HSD17B12: variants seen among roughly 807,000 people sequenced by gnomAD.
HSD17B12 encodes hydroxysteroid 17-beta dehydrogenase 12.
HSD17B12 carries 32 observed loss-of-function variants against 39.3 expected under a neutral mutation model. The ratio of observed to expected loss-of-function variants is 0.81; its 90% confidence interval spans 0.61 to 1.09. The LOEUF is 1.09. Among genes scored for constraint, HSD17B12 ranks in the 50% least tolerant of loss-of-function variants. The pLI, the probability that HSD17B12 is intolerant of heterozygous loss-of-function variation, is 0.00. For synonymous variants in HSD17B12, 150 were observed against 146.7 expected, an observed-to-expected ratio of 1.02 and a Z score of -0.16; for missense variants, 342 against 382.9, an observed-to-expected ratio of 0.89 and a Z score of 0.89.
At chr11:43,589,182 C>T in the HSD17B12 span, among the ~76,000 whole-genome samples, 92,751 of 151,864 alleles carry the variant, frequency 0.61, 28,591 homozygotes, top group East Asian at 0.73. Flanking sequence ...TTCCTTTTCC[C>T]GCATATTTAA....
chr11:43,659,198 C>T, the HSD17B12 span, among the ~76,000 whole-genome samples: 11 of 152,222 alleles, frequency 7.2e-5, no homozygotes, highest in Non-Finnish European at 1.2e-4. Flanking sequence ...GAGCCATGTG[C>T]GGGATATAAT....
chr11:43,725,402 A>G (rs1950212218), intron 1 of HSD17B12, among the ~76,000 whole-genome samples: 1 of 152,266 alleles, frequency 6.6e-6, no homozygotes, highest in South Asian at 2.1e-4. Context: ...TCATAATAAC[A>G]GTAATAACAA....
chr11:43,840,367 C>G (rs1462786640), intron 9 of HSD17B12, among the ~76,000 whole-genome samples: 1 of 152,010 alleles, frequency 6.6e-6, no homozygotes, highest in Admixed American at 6.6e-5. Context: ...GCATCTCTCT[C>G]TTTTTTAATT....
intron 1 of HSD17B12, among the ~76,000 whole-genome samples, chr11:43,689,116 G>C (rs1230539490): frequency 6.6e-6 from 1 of 152,200 alleles, no homozygotes; most frequent in African/African-American, 2.4e-5. Flanking sequence ...TTACTAAGCA[G>C]TTCCTTTATA....
At chr11:43,626,682 T>C in the HSD17B12 span, among the ~76,000 whole-genome samples, 1 of 152,004 alleles carries the variant, frequency 6.6e-6, no homozygotes, top group Non-Finnish European at 1.5e-5. Context: ...AAACTTTCCA[T>C]TTCAACCCTT....
intron 3 of HSD17B12, among the ~76,000 whole-genome samples, chr11:43,766,786 T>G (rs1950599241): frequency 6.6e-6 from 1 of 152,340 alleles, no homozygotes; most frequent in South Asian, 2.1e-4. Context: ...GAAATTTAGC[T>G]TATGGTCCAA....
chr11:43,789,527 C>A (rs4755212), intron 3 of HSD17B12, among the ~76,000 whole-genome samples: 2,760 of 152,228 alleles, frequency 0.018, 75 homozygotes, highest in African/African-American at 0.048. Context: ...GAATGAGCAC[C>A]TGGGCCTTGG....
the HSD17B12 span, chr11:43,645,945 C>T: frequency 3.3e-5 from 5 of 152,352 alleles, no homozygotes; most frequent in African/African-American, 1.2e-4. Flanking sequence ...TGTGCCACTG[C>T]ACTCCAGCCT....
At chr11:43,596,261 A>G in the HSD17B12 span, among the ~76,000 whole-genome samples, 2 of 152,210 alleles carry the variant, frequency 1.3e-5, no homozygotes, top group African/African-American at 2.4e-5. Flanking sequence ...AAATTTGGAG[A>G]GAACTGTGAT....
At chr11:43,739,347 G>A (rs1278076341) in intron 1 of HSD17B12, among the ~76,000 whole-genome samples, 1 of 152,200 alleles carries the variant, frequency 6.6e-6, no homozygotes, top group African/African-American at 2.4e-5. Context: ...TCAAGGATGG[G>A]AGGGAAACAC....
upstream of HSD17B12, among the ~76,000 whole-genome samples, chr11:43,676,790 G>A (rs79395286): frequency 0.018 from 2,784 of 152,238 alleles, 35 homozygotes; most frequent in Middle Eastern, 0.027. Context: ...GATTCTAGTG[G>A]GGGCCACAGA....
At chr11:43,593,461 T>C in the HSD17B12 span, among the ~76,000 whole-genome samples, 1 of 152,218 alleles carries the variant, frequency 6.6e-6, no homozygotes, top group Admixed American at 6.5e-5. Flanking sequence ...GTTATCTGTG[T>C]CTGACAATGC....
chr11:43,619,258 AT>A, the HSD17B12 span, among the ~76,000 whole-genome samples: 11 of 82,534 alleles, frequency 1.3e-4, no homozygotes, highest in African/African-American at 4.1e-4. Flanking sequence ...ATATATATAT[AT>A]TTTATATATA....
intron 1 of HSD17B12, among the ~76,000 whole-genome samples, chr11:43,745,041 A>G (rs1950401071): frequency 1.3e-5 from 2 of 152,208 alleles, no homozygotes. Context: ...ACTCCTGGCA[A>G]GAAAGGATTG....
At chr11:43,667,606 A>G in the HSD17B12 span, among the ~76,000 whole-genome samples, 6 of 152,230 alleles carry the variant, frequency 3.9e-5, no homozygotes, top group African/African-American at 9.6e-5. Context: ...ATATTTGCAT[A>G]TACATAATGA....
chr11:43,641,303 C>T, the HSD17B12 span, among the ~76,000 whole-genome samples: 4 of 151,638 alleles, frequency 2.6e-5, no homozygotes, highest in Non-Finnish European at 1.5e-5. Context: ...CATGATCCAT[C>T]TTTTAAAAAT....
At chr11:43,782,438 T>C (rs879858953) in intron 3 of HSD17B12, among the ~76,000 whole-genome samples, 1 of 152,096 alleles carries the variant, frequency 6.6e-6, no homozygotes, top group African/African-American at 2.4e-5. Flanking sequence ...CCCAACACTT[T>C]GAGAGCCCAA....
intron 1 of HSD17B12, among the ~76,000 whole-genome samples, chr11:43,687,356 T>G (rs569386691): frequency 6.6e-6 from 1 of 152,352 alleles, no homozygotes; most frequent in East Asian, 1.9e-4. Context: ...GTGCTAACTA[T>G]AGACCTTATA....
chr11:43,739,894 G>A (rs1315051903), intron 1 of HSD17B12, among the ~76,000 whole-genome samples: 1 of 152,196 alleles, frequency 6.6e-6, no homozygotes, highest in East Asian at 1.9e-4. Flanking sequence ...TGTAAAGAAT[G>A]AGGGGAGTGA....
Sources: gnomAD v4.1 joint callset for allele counts (sites outside exome capture counted in the v4.1 genomes callset) on GRCh38, gnomAD v4.1.1 for gene constraint, MANE v1.5 for transcripts, NCBI Gene and HGNC (gene_info 2026-07-23, HGNC 2026-07-21) for gene names.